The following MYOM2 variants were observed in gnomAD, a reference collection of about 807,000 sequenced individuals.
The protein encoded by MYOM2 is myomesin-2.
Under a neutral mutation model 187.6 loss-of-function variants are expected in MYOM2, and 254 were observed. That is an observed-to-expected ratio of 1.35 (90% CI 1.22 to 1.50). MYOM2 has a LOEUF of 1.50. Ranked by LOEUF, MYOM2 falls within the 40% of genes most tolerant of loss-of-function variation. The pLI is 0.00. For missense variants in MYOM2, 2,796 were observed against 1,924.0 expected, an observed-to-expected ratio of 1.45 and a Z score of -8.48; for synonymous variants, 981 against 753.8, an observed-to-expected ratio of 1.30 and a Z score of -4.94.
chr8:2,134,063 T>TCCACCC (rs1797971529), intron 32 of MYOM2, among the ~76,000 whole-genome samples: 3 of 151,928 alleles, frequency 2.0e-5, no homozygotes, highest in East Asian at 1.9e-4. Flanking sequence ...TGTACCCACC[T>TCCACCC]TATAACCATC....
At chr8:2,130,707 A>G (rs915291275) in intron 32 of MYOM2, among the ~76,000 whole-genome samples, 3 of 152,196 alleles carry the variant, frequency 2.0e-5, no homozygotes, top group African/African-American at 7.2e-5. Context: ...ACTCAAATGG[A>G]GTCACTGTAG....
chr8:2,140,896 T>C lies in MYOM2; in HGVS notation c.3964+10T>C, dbSNP rs2116920832. 1.3e-6 allele frequency: 2 copies of C among 1,595,704 alleles called. No homozygotes were observed. Among genetic ancestry groups the C allele is most frequent in the African/African-American group, 1.3e-5 (1 of 74,474 alleles). On this transcript the variant is annotated intron_variant, in intron 33 of 36. Coordinates refer to ENST00000262113, the MANE Select transcript of MYOM2 (RefSeq NM_003970.4). The stretch of plus-strand genomic sequence containing the variant: ...GACCTGTCCGGACAAGGTAAGAGAA[T>C]TCTTCTTTAGCATTTAATAATTTCC...
chr8:2,094,020 A>G lies in MYOM2; in HGVS notation c.2054A>G (p.Lys685Arg). 1 of 1,614,152 alleles carries G rather than the reference A, an allele frequency of 6.2e-7. No homozygotes were observed. Among genetic ancestry groups the G allele is most frequent in the Non-Finnish European group, 8.5e-7 (1 of 1,180,036 alleles). The change falls in exon 17 of 37, where the codon AAG becomes AGG. Residue 685 changes from lysine to arginine, a missense_variant. Coordinates refer to ENST00000262113, the MANE Select transcript of MYOM2 (RefSeq NM_003970.4). ...TTGEQYIFRV[K>R]AVNAVGMSEN... ...GGAGAGCAGTACATCTTCCGAGTCA[A>G]GGCGGTCAATGCTGTGGGGATGAGT... is the stretch of plus-strand genomic sequence containing the variant.
chr8:2,134,225 C>G (rs966035503), intron 32 of MYOM2, among the ~76,000 whole-genome samples: 1 of 152,016 alleles, frequency 6.6e-6, no homozygotes, highest in Non-Finnish European at 1.5e-5. Context: ...CCTGGTTTCC[C>G]CCCTGTCTAG....
intron 32 of MYOM2, among the ~76,000 whole-genome samples, chr8:2,137,209 C>A (rs1373432322): frequency 6.6e-6 from 1 of 151,764 alleles, no homozygotes; most frequent in East Asian, 1.9e-4. Flanking sequence ...AAAACATTGT[C>A]TTCTCCCTAA....
At chr8:2,136,125 T>C (rs1798060939) in intron 32 of MYOM2, among the ~76,000 whole-genome samples, 2 of 152,256 alleles carry the variant, frequency 1.3e-5, no homozygotes, top group East Asian at 3.9e-4. Context: ...AAGAGAAGTG[T>C]GTGTGATGCA....
intron 6 of MYOM2, among the ~76,000 whole-genome samples, chr8:2,061,810 G>A (rs1469098636): frequency 6.6e-6 from 1 of 152,234 alleles, no homozygotes; most frequent in Non-Finnish European, 1.5e-5. Context: ...CTTCTGGCGG[G>A]CTCCTTGGCC....
At chr8:2,094,495 T>A (rs911235391) in intron 17 of MYOM2, among the ~76,000 whole-genome samples, 3 of 151,910 alleles carry the variant, frequency 2.0e-5, no homozygotes, top group African/African-American at 7.3e-5. Flanking sequence ...CTACTGAAAA[T>A]ACAAAAATCA....
chr8:2,106,527 T>C lies in MYOM2; in HGVS notation c.2928T>C (p.Asp976=), dbSNP rs1337379467. Residue 976 remains aspartate, a synonymous_variant, in exon 23 of 37, where the codon GAT becomes GAC. Transcript: ENST00000262113. The part of the protein sequence containing the change: ...KLYLKNPDKE[D]LGTYSVSVSD... Reference sequence around the variant, plus strand: ...ACTTAAAGAATCCGGATAAGGAGGATTTAGGGACTTACTCCGTGTCTGTAA... The same window carrying C: ...ACTTAAAGAATCCGGATAAGGAGGACTTAGGGACTTACTCCGTGTCTGTAA... 8.1e-6 allele frequency: 13 copies of C among 1,612,542 alleles called. No homozygotes were observed. The South Asian group carries it at 1.2e-4, about 15-fold the overall frequency.
intron 6 of MYOM2, among the ~76,000 whole-genome samples, chr8:2,063,231 C>T (rs182863304): frequency 7.2e-5 from 11 of 152,334 alleles, no homozygotes; most frequent in Admixed American, 2.0e-4. Context: ...GCTGAGCCGC[C>T]GGTCATCCGA....
chr8:2,074,880 C>T (rs531469206), intron 10 of MYOM2, among the ~76,000 whole-genome samples: 7 of 152,340 alleles, frequency 4.6e-5, no homozygotes, highest in African/African-American at 1.2e-4. Context: ...ACAAAGAAGG[C>T]GTCAGAGCGC....
rs1315355573 is a variant in MYOM2, at chr8:2,060,540, T to C, written c.653+1295T>C. Among the ~76,000 whole-genome samples, 5 of 152,248 alleles carry C rather than the reference T, an allele frequency of 3.3e-5. No individual in the cohort carries two copies. The South Asian group carries it at 8.3e-4, about 25-fold the overall frequency. On this transcript the variant is annotated intron_variant, in intron 6 of 36. Coordinates refer to ENST00000262113, the MANE Select transcript of MYOM2 (RefSeq NM_003970.4). ...ATAAGGTAAAAAATAAGTGAGACAT[T>C]GGAACATACGATTTTATTGATTTTA... is the stretch of plus-strand genomic sequence containing the variant.
At chr8:2,085,462 C>T (rs575238754) in intron 14 of MYOM2, 72 bp downstream of exon 14, 22 of 1,540,372 alleles carry the variant, frequency 1.4e-5, no homozygotes, top group Middle Eastern at 1.9e-4. Context: ...CTCTGCGTGG[C>T]CCACCGCTGT....
At chr8:2,074,594 A>G (rs1387595078) in intron 10 of MYOM2, among the ~76,000 whole-genome samples, 1 of 152,120 alleles carries the variant, frequency 6.6e-6, no homozygotes, top group East Asian at 1.9e-4. Flanking sequence ...AGCTGGGACT[A>G]CAGGCATGTA....
chr8:2,103,460 TTATGTGTA>T (rs1796784621), intron 21 of MYOM2, among the ~76,000 whole-genome samples: 1 of 150,860 alleles, frequency 6.6e-6, no homozygotes, highest in Admixed American at 6.6e-5. Context: ...TGTGCATGTG[TTATGTGTA>T]TATGTGTATG....
At chr8:2,064,476 G>A (rs550816752) in intron 6 of MYOM2, among the ~76,000 whole-genome samples, 18 of 152,274 alleles carry the variant, frequency 1.2e-4, no homozygotes, top group Admixed American at 5.9e-4. Flanking sequence ...TCTTTGCTCC[G>A]GTGACGGGTT....
At chr8:2,064,167 C>G (rs1055134317) in intron 6 of MYOM2, among the ~76,000 whole-genome samples, 2 of 152,180 alleles carry the variant, frequency 1.3e-5, no homozygotes, top group Non-Finnish European at 2.9e-5. Context: ...GTCGTCTGCC[C>G]AGGCCCCCTG....
chr8:2,118,191 G>T (rs527543879), intron 28 of MYOM2, among the ~76,000 whole-genome samples: 2 of 152,236 alleles, frequency 1.3e-5, no homozygotes, highest in South Asian at 4.1e-4. Context: ...GCAATGGAAG[G>T]TTGGATTATA....
intron 6 of MYOM2, 119 bp from the exon 7 acceptor site, chr8:2,069,159 C>G (rs1299660331): frequency 1.1e-5 from 10 of 924,598 alleles, no homozygotes; most frequent in African/African-American, 5.0e-5. Flanking sequence ...GCACAAATCA[C>G]TCATGAACAA....
Sources: gnomAD v4.1 joint callset for allele counts (sites outside exome capture counted in the v4.1 genomes callset) on GRCh38, gnomAD v4.1.1 for gene constraint, MANE v1.5 for transcripts, NCBI Gene and HGNC (gene_info 2026-07-23, HGNC 2026-07-21) for gene names.